The following GFRAL variants were observed in gnomAD, a reference collection of about 807,000 sequenced individuals.
The protein encoded by GFRAL is GDNF family receptor alpha like.
A neutral mutation model predicts 45.4 loss-of-function variants in GFRAL; 36 were observed. The observed-to-expected ratio is 0.79, with a 90% CI of 0.61 to 1.05. The LOEUF is 1.05. Ranked by LOEUF, GFRAL falls within the 50% of genes least tolerant of loss-of-function variation. GFRAL has a pLI of 0.00. For missense variants in GFRAL, 507 were observed against 467.5 expected (o/e 1.08, Z -0.78); for synonymous variants, 166 against 154.1 (o/e 1.08, Z -0.57).
At position 55,359,079 on chromosome 6, in the gene GFRAL, A is replaced by C. The variant is rs766549763; in HGVS notation, c.893A>C (p.Gln298Pro). Residue 298 changes from glutamine (Q) to proline (P), a missense_variant, in exon 6 of 9, where the codon CAA becomes CCA. Gln to Pro is a moderately conservative substitution (Grantham distance 76). Transcript: ENST00000340465. ...QVQCTCRTIT[Q>P]SEESLCKIFQ... is the part of the protein sequence containing the mutation. ...CAATGTACCTGTAGGACCATTACAC[A>C]AAGTGAGGAATCTTTGTGTAAGATT... 1.2e-6 allele frequency: 2 copies of C among 1,612,716 alleles called. No individual in the cohort carries two copies. The highest frequency in any genetic ancestry group is 1.7e-6 in the Non-Finnish European group (2 of 1,179,104).
chr6:55,396,318 C>T (rs1768824047), intron 6 of GFRAL, among the ~76,000 whole-genome samples: 1 of 152,078 alleles, frequency 6.6e-6, no homozygotes, highest in African/African-American at 2.4e-5. Context: ...TGAGATGATT[C>T]TTTCTAAACT....
intron 6 of GFRAL, among the ~76,000 whole-genome samples, chr6:55,385,151 CATTAAT>C (rs1268264016): frequency 1.3e-5 from 2 of 152,024 alleles, no homozygotes; most frequent in Non-Finnish European, 2.9e-5. Flanking sequence ...GAAAACATTA[CATTAAT>C]ATTAATAGTA....
At position 55,378,229 on chromosome 6, in the gene GFRAL, TA is replaced by T. The variant is rs201357019; in HGVS notation, c.952+19098del. On this transcript the variant is annotated intron_variant, in intron 6 of 8. Coordinates refer to ENST00000340465, the MANE Select transcript of GFRAL (RefSeq NM_207410.2). Reference sequence around the variant, plus strand: ...GAAGCACTCTTAGGTTGCAGCTGCATAAAAAAAGATTAGGCATTCTATGAAG... The same window carrying T: ...GAAGCACTCTTAGGTTGCAGCTGCATAAAAAAGATTAGGCATTCTATGAAG... Among the ~76,000 whole-genome samples, 1,220 of 152,026 alleles carry T rather than the reference TA, an allele frequency of 8.0e-3. 17 individuals carry two copies. The highest frequency in any genetic ancestry group is 0.028 in the African/African-American group (1,145 of 41,474).
At chr6:55,336,647 T>C (rs970659879) in intron 3 of GFRAL, among the ~76,000 whole-genome samples, 1 of 152,230 alleles carries the variant, frequency 6.6e-6, no homozygotes. Flanking sequence ...TGCAGGAAAT[T>C]CTAAATAAAT....
intron 6 of GFRAL, among the ~76,000 whole-genome samples, chr6:55,373,382 G>A (rs773884073): frequency 1.3e-4 from 20 of 152,160 alleles, no homozygotes; most frequent in Admixed American, 4.6e-4. Context: ...GAGTTTGAAG[G>A]ACTGAAAGTT....
chr6:55,400,219 G>A (rs765592058), intron 8 of GFRAL, among the ~76,000 whole-genome samples: 11 of 152,048 alleles, frequency 7.2e-5, no homozygotes, highest in Non-Finnish European at 7.4e-5. Flanking sequence ...ATGGGTACAT[G>A]TCTATAAAAT....
At chr6:55,347,158 A>G (rs375404949) in intron 3 of GFRAL, among the ~76,000 whole-genome samples, 2 of 152,192 alleles carry the variant, frequency 1.3e-5, no homozygotes, top group Non-Finnish European at 2.9e-5. Context: ...TAGGCTGGAA[A>G]GAGTCTATGA....
At position 55,402,203 on chromosome 6, in the gene GFRAL, C is replaced by G. The variant is rs1279686991; in HGVS notation, c.*350C>G. The G allele has an allele frequency of 1.2e-5, 2 of 171,604 alleles. No individual in the cohort carries two copies. The highest frequency in any genetic ancestry group is 5.0e-5 in the African/African-American group (2 of 40,102). 10.6% of individuals were successfully genotyped at this position (171,604 alleles called of 1,614,324 possible). A position where few individuals can be genotyped will look rare whatever the true frequency, so the allele number is the denominator to read the frequency against. ...CCAAATTGGCCAGGGTGGTCTCAAACTCCTGACCTCAGGTGATCCACCCAC... is the reference window on the plus strand; with the variant it reads ...CCAAATTGGCCAGGGTGGTCTCAAAGTCCTGACCTCAGGTGATCCACCCAC... On this transcript the variant is annotated 3_prime_UTR_variant, in exon 9 of 9. Coordinates refer to ENST00000340465, the MANE Select transcript of GFRAL (RefSeq NM_207410.2).
Position 55,385,302 on chromosome 6 carries a change from G to A in GFRAL, c.953-13878G>A, listed in dbSNP as rs751548360. ...GGAGAAAACTGAAGCTATAAAAGAT[G>A]TATCTTAAAAATGGAGATTTAATAA... On this transcript the variant is annotated intron_variant, in intron 6 of 8. Coordinates refer to ENST00000340465, the MANE Select transcript of GFRAL (RefSeq NM_207410.2). Among the ~76,000 whole-genome samples the A allele has an allele frequency of 1.1e-4, 16 of 152,116 alleles. No individual in the cohort carries two copies. In the East Asian group the frequency reaches 1.9e-3, roughly 18 times the overall value.
intron 8 of GFRAL, 107 bp from the exon 9 acceptor site, chr6:55,401,683 G>GT (rs1447778163): frequency 8.3e-6 from 6 of 720,460 alleles, no homozygotes; most frequent in African/African-American, 5.4e-5. Flanking sequence ...AACTTGATTA[G>GT]TTTTTTCCTC....
intron 3 of GFRAL, among the ~76,000 whole-genome samples, chr6:55,343,707 A>G (rs1768000613): frequency 6.6e-6 from 1 of 152,214 alleles, no homozygotes; most frequent in South Asian, 2.1e-4. Flanking sequence ...TAGAGACACA[A>G]AAAACCCTTC....
At chr6:55,348,784 G>A (rs139676468) in intron 3 of GFRAL, among the ~76,000 whole-genome samples, 2 of 152,070 alleles carry the variant, frequency 1.3e-5, no homozygotes, top group East Asian at 3.9e-4. Context: ...ACTTATGAAT[G>A]TAGGGGTAAT....
intron 3 of GFRAL, among the ~76,000 whole-genome samples, chr6:55,340,538 G>A (rs562255702): frequency 9.0e-4 from 137 of 152,000 alleles, no homozygotes; most frequent in Non-Finnish European, 1.4e-3. Context: ...AAAAGTGGTT[G>A]GCAGCAGTTC....
chr6:55,352,098 A>G (rs2127355527), intron 5 of GFRAL, among the ~76,000 whole-genome samples: 1 of 152,162 alleles, frequency 6.6e-6, no homozygotes, highest in East Asian at 1.9e-4. Context: ...GTCTTTTCAC[A>G]ATGTCAGGCT....
intron 5 of GFRAL, 79 bp downstream of exon 5, chr6:55,351,662 T>A (rs941714556): frequency 7.4e-6 from 7 of 951,368 alleles, no homozygotes; most frequent in Non-Finnish European, 1.1e-5. Flanking sequence ...CTTGATCTCA[T>A]AACATTAGCT....
At chr6:55,371,577 C>G (rs1215336580) in intron 6 of GFRAL, among the ~76,000 whole-genome samples, 2 of 152,138 alleles carry the variant, frequency 1.3e-5, no homozygotes, top group African/African-American at 4.8e-5. Flanking sequence ...ACATTTGTCA[C>G]AAGTTTTTTG....
intron 3 of GFRAL, among the ~76,000 whole-genome samples, chr6:55,335,488 A>C (rs1363907036): frequency 1.3e-5 from 2 of 152,170 alleles, no homozygotes; most frequent in African/African-American, 4.8e-5. Flanking sequence ...TTCATAGATC[A>C]TACTTTTGAT....
chr6:55,327,705 CT>C (rs1767783885), intron 1 of GFRAL, 129 bp downstream of exon 1: 1 of 821,320 alleles, frequency 1.2e-6, no homozygotes, highest in African/African-American at 1.7e-5. Context: ...CAAATTTATG[CT>C]TTAACATGGT....
intron 6 of GFRAL, among the ~76,000 whole-genome samples, chr6:55,393,822 T>G (rs974612445): frequency 1.3e-5 from 2 of 152,154 alleles, no homozygotes; most frequent in Admixed American, 6.5e-5. Context: ...AGAGGCTATT[T>G]AAAGATTTGA....
Sources: allele counts gnomAD v4.1 joint callset (sites outside exome capture counted in the v4.1 genomes callset), GRCh38; gene constraint gnomAD v4.1.1; transcripts MANE v1.5; gene names NCBI Gene and HGNC (gene_info 2026-07-23, HGNC 2026-07-21).